GHR: variants seen among roughly 807,000 people sequenced by gnomAD.
GHR encodes the protein GH receptor.
GHR carries 35 observed loss-of-function variants against 67.1 expected under a neutral mutation model. That is an observed-to-expected ratio of 0.52 (90% CI 0.40 to 0.69). The LOEUF is 0.69. Among genes scored for constraint, GHR ranks in the 30% least tolerant of loss-of-function variants. The pLI, the probability that GHR is intolerant of heterozygous loss-of-function variation, is 0.00. For missense variants in GHR, 792 were observed against 764.6 expected (o/e 1.04, Z -0.42); for synonymous variants, 272 against 269.1 (o/e 1.01, Z -0.10).
chr5:42,659,940 C>T (rs1356302567), intron 3 of GHR, among the ~76,000 whole-genome samples: 4 of 152,118 alleles, frequency 2.6e-5, no homozygotes, highest in East Asian at 3.9e-4. Flanking sequence ...TAAAAAACGG[C>T]GCACCAGGAG....
At chr5:42,426,035 GTTT>G (rs1742840061) in intron 1 of GHR, among the ~76,000 whole-genome samples, 2 of 152,254 alleles carry the variant, frequency 1.3e-5, no homozygotes, top group Middle Eastern at 3.4e-3. Flanking sequence ...TTTATTATTA[GTTT>G]TTAAACAGCA....
intron 2 of GHR, among the ~76,000 whole-genome samples, chr5:42,612,329 C>T (rs1300808902): frequency 3.3e-5 from 5 of 152,070 alleles, no homozygotes; most frequent in African/African-American, 4.8e-5. Context: ...GGATAACTTT[C>T]GGATAGGATG....
At chr5:42,685,065 G>A (rs1253027243) in intron 3 of GHR, among the ~76,000 whole-genome samples, 1 of 151,970 alleles carries the variant, frequency 6.6e-6, no homozygotes, top group Non-Finnish European at 1.5e-5. Flanking sequence ...TCTATATTAG[G>A]TATTTCTCCT....
chr5:42,587,235 T>C (rs1194402597), intron 2 of GHR, among the ~76,000 whole-genome samples: 2 of 152,112 alleles, frequency 1.3e-5, no homozygotes, highest in African/African-American at 2.4e-5. Flanking sequence ...TATGCTTTTC[T>C]GAGGACAGTA....
At chr5:42,618,390 A>G (rs547510247) in intron 2 of GHR, among the ~76,000 whole-genome samples, 57 of 152,264 alleles carry the variant, frequency 3.7e-4, no homozygotes, top group South Asian at 1.2e-3. Flanking sequence ...CGTAAAATGT[A>G]TGCATTTTTC....
intron 4 of GHR, among the ~76,000 whole-genome samples, chr5:42,693,912 C>T (rs1252522287): frequency 6.6e-6 from 1 of 152,214 alleles, no homozygotes; most frequent in Non-Finnish European, 1.5e-5. Flanking sequence ...AACTACCTCA[C>T]CCAAGTAGCA....
chr5:42,430,699 T>A (rs1044142365), intron 1 of GHR, among the ~76,000 whole-genome samples: 42 of 152,158 alleles, frequency 2.8e-4, no homozygotes, highest in Non-Finnish European at 4.6e-4. Context: ...CATTTGCTTT[T>A]TTGCTTTATT....
At chr5:42,454,615 C>T (rs1030647627) in intron 1 of GHR, among the ~76,000 whole-genome samples, 1 of 152,136 alleles carries the variant, frequency 6.6e-6, no homozygotes, top group Non-Finnish European at 1.5e-5. Flanking sequence ...GCCTCTGTGG[C>T]ACAGAATAGT....
At chr5:42,548,132 C>T in intron 1 of GHR, 1 of 985,166 alleles carries the variant, frequency 1.0e-6, no homozygotes, top group Non-Finnish European at 1.2e-6. Context: ...AGGCAGAGCC[C>T]AGAGATGTAC....
intron 2 of GHR, among the ~76,000 whole-genome samples, chr5:42,587,684 T>C (rs1412524697): frequency 4.0e-5 from 6 of 151,732 alleles, no homozygotes; most frequent in African/African-American, 1.5e-4. Context: ...TTTTTTTTTG[T>C]TTTTTTAAGA....
At chr5:42,564,185 T>A (rs111571008) in intron 1 of GHR, among the ~76,000 whole-genome samples, 5,236 of 34,614 alleles carry the variant, frequency 0.15, 242 homozygotes, top group African/African-American at 0.31. Flanking sequence ...AATCTCACAA[T>A]GTGTGAGATT....
chr5:42,444,004 GATAGAT>G (rs149152940), intron 1 of GHR, among the ~76,000 whole-genome samples: 50 of 147,412 alleles, frequency 3.4e-4, no homozygotes, highest in South Asian at 1.3e-3. Flanking sequence ...CATAGACATA[GATAGAT>G]ATAGATATAG....
chr5:42,424,394 G>T lies in GHR; in HGVS notation c.-12+439G>T, dbSNP rs1416296601. ...TGTTTGCCATCATCTGCCTGGCTGC[G>T]GCAGGAACTGCCGAGGCTGCTGCTG... On this transcript the variant is annotated intron_variant, in intron 1 of 9. Coordinates refer to ENST00000230882, the MANE Select transcript of GHR (RefSeq NM_000163.5). The surrounding 1 kb of genome is among the most constrained non-coding windows in gnomAD (Gnocchi z 4.1). 3 of 598,382 alleles carry T rather than the reference G, an allele frequency of 5.0e-6. No individual in the cohort carries two copies. The highest frequency in any genetic ancestry group is 3.7e-5 in the African/African-American group (2 of 53,752). The allele number at this position is 598,382 out of a possible 1,614,324, so 37.1% of individuals were successfully genotyped here. A position where few individuals can be genotyped will look rare whatever the true frequency, so the allele number is the denominator to read the frequency against.
intron 1 of GHR, chr5:42,467,216 C>A: frequency 6.6e-7 from 1 of 1,506,410 alleles, no homozygotes; most frequent in Non-Finnish European, 9.2e-7. Context: ...TCACTGCAGT[C>A]ATAAGGTTTC....
rs181478654 is a variant in GHR at position 42,573,046 on chromosome 5, A to G, written c.70+7102A>G. Among the ~76,000 whole-genome samples, 355 of 152,352 alleles carry G rather than the reference A, an allele frequency of 2.3e-3. 1 individual carries two copies. The highest frequency in any genetic ancestry group is 8.2e-3 in the African/African-American group (341 of 41,582). ...GACCATTCCATGCCCTGTGTAATAAAATGTTATAGAATTAAAACTTATTAG... is the reference window on the plus strand; with the variant it reads ...GACCATTCCATGCCCTGTGTAATAAGATGTTATAGAATTAAAACTTATTAG... On this transcript the variant is annotated intron_variant, in intron 2 of 9. Transcript: ENST00000230882.
Position 42,719,583 on chromosome 5 carries a change from T to TA in GHR, c.*166dup, listed in dbSNP as rs1365171460. ...TTCCCAAAATGTTGAAATATGATGT[T>TA]AAAAAAATAAGAAGAATGCTTAATC... On this transcript the variant is annotated 3_prime_UTR_variant, in exon 10 of 10. Transcript: ENST00000230882. 58 of 704,292 alleles carry TA rather than the reference T, an allele frequency of 8.2e-5. No homozygotes were observed. The highest frequency in any genetic ancestry group is 1.4e-4 in the Non-Finnish European group (54 of 392,292). 43.6% of individuals were successfully genotyped at this position (704,292 alleles called of 1,614,324 possible).
intron 1 of GHR, among the ~76,000 whole-genome samples, chr5:42,507,026 G>T (rs901538519): frequency 6.6e-6 from 1 of 152,178 alleles, no homozygotes; most frequent in Non-Finnish European, 1.5e-5. Flanking sequence ...TGGGTCAGTT[G>T]TTACTGTTGG....
intron 1 of GHR, among the ~76,000 whole-genome samples, chr5:42,491,163 G>C (rs1418716276): frequency 6.6e-6 from 1 of 152,218 alleles, no homozygotes; most frequent in Non-Finnish European, 1.5e-5. Flanking sequence ...TCATGCCTGA[G>C]GATCGTTTGC....
chr5:42,574,603 C>A (rs1750541201), intron 2 of GHR, among the ~76,000 whole-genome samples: 1 of 152,168 alleles, frequency 6.6e-6, no homozygotes, highest in South Asian at 2.1e-4. Context: ...ATAAGTGCTC[C>A]CCAGTATGAC....
Sources: gnomAD v4.1 joint callset for allele counts (sites outside exome capture counted in the v4.1 genomes callset) on GRCh38, gnomAD v4.1.1 for gene constraint, Gnocchi (gnomAD v3.1) non-coding constraint, MANE v1.5 for transcripts, NCBI Gene and HGNC (gene_info 2026-07-23, HGNC 2026-07-21) for gene names.